The following DIP2A variants were observed in gnomAD, a reference collection of about 807,000 sequenced individuals.
DIP2A encodes DIP2 acetate--CoA ligase A.
DIP2A carries 85 observed loss-of-function variants against 177.4 expected under a neutral mutation model. The ratio of observed to expected loss-of-function variants is 0.48; its 90% CI spans 0.40 to 0.57. The LOEUF (loss-of-function observed/expected upper bound fraction) is 0.57, where lower values mean the gene tolerates loss of function less well. Among genes scored for constraint, DIP2A ranks in the 20% least tolerant of loss-of-function variants. DIP2A has a pLI of 0.00. For synonymous variants in DIP2A, 886 were observed against 881.8 expected (o/e 1.00, Z -0.08); for missense variants, 1,791 against 2,100.2 (o/e 0.85, Z 2.88).
At chr21:46,514,629 T>G (rs889237228) in intron 8 of DIP2A, among the ~76,000 whole-genome samples, 5 of 140,098 alleles carry the variant, frequency 3.6e-5, no homozygotes, top group South Asian at 2.3e-4. Flanking sequence ...TTTTTTTTTT[T>G]TTTTTTTTTT....
chr21:46,460,180 A>G (rs932380113), intron 1 of DIP2A, among the ~76,000 whole-genome samples: 1 of 152,082 alleles, frequency 6.6e-6, no homozygotes, highest in Non-Finnish European at 1.5e-5. Flanking sequence ...TAGCCCCCTC[A>G]TGGAATTTTT....
Position 46,555,993 on chromosome 21 carries a change from A to C in DIP2A, c.3400A>C (p.Lys1134Gln). The C allele has an allele frequency of 6.2e-7, 1 of 1,613,652 alleles. No homozygotes were observed. The highest frequency in any genetic ancestry group is 2.2e-5 in the East Asian group (1 of 44,872). Residue 1134 changes from lysine to glutamine, a missense_variant, in exon 29 of 38, where the codon AAA (lysine) becomes CAA (glutamine). Coordinates refer to ENST00000417564, the MANE Select transcript of DIP2A (RefSeq NM_015151.4). ...PTILDTDDIP[K>Q]KKIASVFRPP... ...CTCCTGTTTAACAGATGACATCCCAAAAAAGAAGATAGCAAGCGTTTTCAG... is the reference window on the plus strand; with the variant it reads ...CTCCTGTTTAACAGATGACATCCCACAAAAGAAGATAGCAAGCGTTTTCAG...
chr21:46,561,521 G>A (rs1397833417), intron 33 of DIP2A: 4 of 641,246 alleles, frequency 6.2e-6, no homozygotes, highest in Non-Finnish European at 1.1e-5. Context: ...GTGAGCTGCT[G>A]TGAGCACATG....
At chr21:46,506,595 A>G (rs764439199) in intron 6 of DIP2A, among the ~76,000 whole-genome samples, 6 of 152,050 alleles carry the variant, frequency 3.9e-5, no homozygotes, top group Admixed American at 1.3e-4. Context: ...TACAGTTTCA[A>G]TTTGCATTTC....
At position 46,557,112 on chromosome 21, in the gene DIP2A, G is replaced by T. The variant is rs375578173; in HGVS notation, c.3629+43G>T. On this transcript the variant is annotated intron_variant, in intron 30 of 37. Transcript: ENST00000417564. The surrounding 1 kb of genome is among the most constrained non-coding windows in gnomAD (Gnocchi z 6.0). ...GCTGCCTGCCAGGTGGGAGCAGCTCGTGTGGCTCTTAGGAACCTTGGCCTT... is the reference window on the plus strand; with the variant it reads ...GCTGCCTGCCAGGTGGGAGCAGCTCTTGTGGCTCTTAGGAACCTTGGCCTT... The T allele has an allele frequency of 1.9e-6, 3 of 1,555,228 alleles. No homozygotes were observed. In the South Asian group the frequency reaches 3.5e-5, roughly 18 times the overall value.
chr21:46,483,687 A>G (rs1226021249), intron 1 of DIP2A, among the ~76,000 whole-genome samples: 1 of 152,220 alleles, frequency 6.6e-6, no homozygotes, highest in African/African-American at 2.4e-5. Context: ...CCTACAATAA[A>G]AAATACATCT....
Position 46,557,620 on chromosome 21 carries a change from C to T in DIP2A, c.3665C>T (p.Pro1222Leu). The T allele has an allele frequency of 1.2e-6, 2 of 1,613,326 alleles. No homozygotes were observed. The highest frequency in any genetic ancestry group is 1.7e-5 in the Admixed American group (1 of 60,012). Residue 1222 changes from proline to leucine, a missense_variant, in exon 31 of 38, where the codon CCG becomes CTG. Physicochemically the swap from Pro to Leu is moderately conservative, Grantham distance 98. Transcript: ENST00000417564. The surrounding 1 kb of genome is among the most constrained non-coding windows in gnomAD (Gnocchi z 6.0). ...YSGHQSVLVP[P>L]LELESNVSLW... ...GGACACCAATCAGTGCTGGTGCCCC[C>T]GCTGGAGCTGGAGAGCAACGTGTCC...
intron 8 of DIP2A, among the ~76,000 whole-genome samples, chr21:46,523,050 C>G (rs983045073): frequency 2.2e-4 from 33 of 149,282 alleles, no homozygotes; most frequent in Non-Finnish European, 4.5e-4. Flanking sequence ...CTCAGCCTCC[C>G]GAGTAGCTGG....
intron 1 of DIP2A, among the ~76,000 whole-genome samples, chr21:46,476,549 T>C (rs186784672): frequency 2.0e-5 from 3 of 151,912 alleles, no homozygotes; most frequent in African/African-American, 7.2e-5. Context: ...GACAGGGTAG[T>C]AAGTGTAGGA....
chr21:46,567,379 C>T lies in DIP2A; in HGVS notation c.4473C>T (p.Phe1491=). The change falls in exon 38 of 38, where the codon TTC becomes TTT. Residue 1491 remains phenylalanine (F), a synonymous_variant. Coordinates refer to ENST00000417564, the MANE Select transcript of DIP2A (RefSeq NM_015151.4). ...AHRSIAECAV[F]TWTNLLVVVV... The stretch of plus-strand genomic sequence containing the variant: ...TGTCTTCTCTCTGCAGTGCCGTATT[C>T]ACCTGGACCAACCTGCTGGTGGTGG... The T allele has an allele frequency of 1.9e-6, 3 of 1,613,240 alleles. No individual in the cohort carries two copies. Among genetic ancestry groups the T allele is most frequent in the Non-Finnish European group, 2.5e-6 (3 of 1,179,454 alleles).
chr21:46,549,522 A>T (rs1407149915), intron 21 of DIP2A, among the ~76,000 whole-genome samples: 1 of 152,210 alleles, frequency 6.6e-6, no homozygotes, highest in Non-Finnish European at 1.5e-5. Context: ...TCTTGTAAAA[A>T]TGTGTGTCTT....
intron 8 of DIP2A, among the ~76,000 whole-genome samples, chr21:46,524,105 A>G (rs915289743): frequency 2.0e-5 from 3 of 152,224 alleles, no homozygotes; most frequent in Non-Finnish European, 4.4e-5. Flanking sequence ...AAATGCTCCC[A>G]TGTTCCATGA....
At chr21:46,571,359 C>T (rs2060964581), downstream of DIP2A, among the ~76,000 whole-genome samples, 4 of 152,140 alleles carry the variant, frequency 2.6e-5, no homozygotes, top group South Asian at 8.3e-4. Flanking sequence ...CAGCAGATTG[C>T]TCATCAGAAA....
intron 7 of DIP2A, 58 bp downstream of exon 7, chr21:46,509,434 T>G: frequency 6.4e-7 from 1 of 1,556,342 alleles, no homozygotes; most frequent in Non-Finnish European, 8.7e-7. Context: ...GCCACGAAGT[T>G]GAGAAACACA....
chr21:46,520,215 T>C (rs1468672437), intron 8 of DIP2A, among the ~76,000 whole-genome samples: 3 of 152,170 alleles, frequency 2.0e-5, no homozygotes, highest in African/African-American at 7.2e-5. Context: ...TGTTTCTCTC[T>C]ACTTTACTCA....
chr21:46,480,074 T>G (rs930671991), intron 1 of DIP2A, among the ~76,000 whole-genome samples: 8 of 67,048 alleles, frequency 1.2e-4, no homozygotes, highest in Non-Finnish European at 2.3e-4. Flanking sequence ...TTTTTTTTTG[T>G]GTGGCATCTG....
chr21:46,492,791 A>G (rs1381132190), intron 3 of DIP2A, among the ~76,000 whole-genome samples: 3 of 152,174 alleles, frequency 2.0e-5, no homozygotes, highest in African/African-American at 7.2e-5. Flanking sequence ...AAATACAAAA[A>G]TTAGTCAGGT....
At chr21:46,497,466 C>G (rs1238129597) in intron 4 of DIP2A, among the ~76,000 whole-genome samples, 2 of 152,160 alleles carry the variant, frequency 1.3e-5, no homozygotes, top group Non-Finnish European at 2.9e-5. Flanking sequence ...CAGTTATTGT[C>G]ATCTTATTAC....
At chr21:46,468,512 A>G (rs977276359) in intron 1 of DIP2A, among the ~76,000 whole-genome samples, 1 of 151,958 alleles carries the variant, frequency 6.6e-6, no homozygotes, top group Non-Finnish European at 1.5e-5. Context: ...AGAAGCAGAG[A>G]GTAGAATGGT....
Sources: gnomAD v4.1 joint callset for allele counts (sites outside exome capture counted in the v4.1 genomes callset) on GRCh38, gnomAD v4.1.1 for gene constraint, Gnocchi (gnomAD v3.1) non-coding constraint, MANE v1.5 for transcripts, NCBI Gene and HGNC (gene_info 2026-07-23, HGNC 2026-07-21) for gene names.